CPZ: variants seen among roughly 807,000 people sequenced by gnomAD.
CPZ encodes the protein carboxypeptidase Z, also known as VEZT/CPZ fusion.
A neutral mutation model predicts 61.8 loss-of-function variants in CPZ; 103 were observed. The observed-to-expected ratio is 1.67, with a 90% CI of 1.42 to 1.96. The LOEUF (loss-of-function observed/expected upper bound fraction) is 1.96, where lower values mean the gene tolerates loss of function less well. CPZ is among the 30% of genes most tolerant of loss of function. CPZ has a pLI of 0.00. For missense variants in CPZ, 1,461 were observed against 914.9 expected (o/e 1.60, Z -7.70); for synonymous variants, 551 against 373.7 (o/e 1.47, Z -5.47).
chr4:8,605,928 T>C, intron 4 of CPZ, 61 bp from the exon 5 acceptor site: 1 of 1,543,588 alleles, frequency 6.5e-7, no homozygotes, highest in Non-Finnish European at 8.9e-7. Context: ...TGGGGGGGCC[T>C]CATGCCTTTG....
intron 9 of CPZ, 38 bp from the exon 10 acceptor site, chr4:8,618,391 C>G (rs1341661578): frequency 1.3e-6 from 2 of 1,594,200 alleles, no homozygotes; most frequent in South Asian, 2.2e-5. Context: ...AGCAGGAGAG[C>G]TCACGCCATC....
chr4:8,607,461 A>G lies in CPZ; in HGVS notation c.1227+36A>G, dbSNP rs537447225. The G allele has an allele frequency of 1.8e-4, 291 of 1,606,124 alleles. 4 individuals are homozygous for G. The South Asian group carries it at 2.7e-3, about 15-fold the overall frequency. ...TGTCGGGTGTGTGCAGGGGAGGGAG[A>G]CAGTGTGCGCGGTCCCCTTGGAGCT... On this transcript the variant is annotated intron_variant, in intron 7 of 10. Coordinates refer to ENST00000360986, the MANE Select transcript of CPZ (RefSeq NM_001014447.3).
intron 7 of CPZ, among the ~76,000 whole-genome samples, chr4:8,608,747 A>C (rs1200088428): frequency 2.0e-5 from 3 of 151,716 alleles, no homozygotes; most frequent in Non-Finnish European, 4.4e-5. Flanking sequence ...GGTTTCCCAA[A>C]AGGTCTCCAC....
At chr4:8,611,693 C>T (rs1577123746) in intron 7 of CPZ, among the ~76,000 whole-genome samples, 1 of 152,150 alleles carries the variant, frequency 6.6e-6, no homozygotes, top group African/African-American at 2.4e-5. Context: ...CCAACCTGCA[C>T]ACACCCTGTG....
At chr4:8,609,754 C>T (rs1715493571) in intron 7 of CPZ, among the ~76,000 whole-genome samples, 1 of 152,206 alleles carries the variant, frequency 6.6e-6, no homozygotes, top group Non-Finnish European at 1.5e-5. Flanking sequence ...CCCATCAGAG[C>T]CAGAGAAAAT....
intron 9 of CPZ, among the ~76,000 whole-genome samples, chr4:8,617,456 G>A (rs1300272117): frequency 6.6e-6 from 1 of 152,156 alleles, no homozygotes; most frequent in Non-Finnish European, 1.5e-5. Context: ...TTGCTTCTGT[G>A]GACTCCTCCC....
At position 8,619,456 on chromosome 4, in the gene CPZ, C is replaced by T; in HGVS notation, c.1798C>T (p.Pro600Ser). ...TATTCATGGGCTGCGGAGGACTGGG[C>T]CCCACGACCCACTGGGAGGTGCCAG... The part of the protein sequence containing the change: ...NFIHGLRRTG[P>S]HDPLGGASSL... Residue 600 changes from proline to serine, a missense_variant, in exon 11 of 11, where the codon CCC becomes TCC. Physicochemically the swap from Pro to Ser is moderately conservative, Grantham distance 74. Transcript: ENST00000360986. 2 of 1,612,394 alleles carry T rather than the reference C, an allele frequency of 1.2e-6. No homozygotes were observed. Among genetic ancestry groups the T allele is most frequent in the Non-Finnish European group, 1.7e-6 (2 of 1,178,952 alleles).
chr4:8,608,414 C>T (rs903291729), intron 7 of CPZ, among the ~76,000 whole-genome samples: 7 of 152,212 alleles, frequency 4.6e-5, no homozygotes, highest in East Asian at 1.9e-4. Flanking sequence ...AGTCACACAT[C>T]GTTTGTTCTC....
chr4:8,604,048 A>C lies in CPZ; in HGVS notation c.569A>C (p.Tyr190Ser). Residue 190 changes from tyrosine (Y) to serine (S), a missense_variant, in exon 4 of 11, where the codon TAC (tyrosine) becomes TCC (serine). Coordinates refer to ENST00000360986, the MANE Select transcript of CPZ (RefSeq NM_001014447.3). ...TTCATCCGCTTCAGCCACCACTCCTACGCCCAGATGGTGCGTGTGCTGAGG... is the reference window on the plus strand; with the variant it reads ...TTCATCCGCTTCAGCCACCACTCCTCCGCCCAGATGGTGCGTGTGCTGAGG... ...PTFIRFSHHS[Y>S]AQMVRVLRRT... 4 of 1,612,156 alleles carry C rather than the reference A, an allele frequency of 2.5e-6. No individual in the cohort carries two copies. The highest frequency in any genetic ancestry group is 1.3e-5 in the African/African-American group (1 of 75,072).
At chr4:8,611,807 A>T (rs964669152) in intron 7 of CPZ, among the ~76,000 whole-genome samples, 9 of 151,862 alleles carry the variant, frequency 5.9e-5, no homozygotes, top group Non-Finnish European at 1.0e-4. Context: ...CCTGGCCCCG[A>T]ACTCCAGCAG....
intron 5 of CPZ, among the ~76,000 whole-genome samples, 159 bp from the exon 6 acceptor site, chr4:8,606,578 G>T (rs1352562488): frequency 6.6e-6 from 1 of 152,138 alleles, no homozygotes; most frequent in Non-Finnish European, 1.5e-5. Flanking sequence ...CCGGGGTGGA[G>T]AGGAGGCCAA....
At chr4:8,603,938 G>A (rs1189028358) in intron 3 of CPZ, 38 bp from the exon 4 acceptor site, 2 of 1,584,636 alleles carry the variant, frequency 1.3e-6, no homozygotes, top group South Asian at 1.1e-5. Context: ...GAAGCCTGGG[G>A]GCCTGACACT....
rs552327040 is a variant in CPZ, at chr4:8,618,232, G to A, written c.1504-197G>A. The A allele has an allele frequency of 1.4e-4, 84 of 595,504 alleles. No homozygotes were observed. The African/African-American group carries it at 1.4e-3, about 10-fold the overall frequency. The allele number at this position is 595,504 out of a possible 1,614,324, so 36.9% of individuals were successfully genotyped here. A position where few individuals can be genotyped will look rare whatever the true frequency, so the allele number is the denominator to read the frequency against. The stretch of plus-strand genomic sequence containing the variant: ...CAGAACGTGCTCGGGTCAATTGCCA[G>A]GGAGGAAACTGAGGCCCAGAGAGGG... On this transcript the variant is annotated intron_variant, in intron 9 of 10. Coordinates refer to ENST00000360986, the MANE Select transcript of CPZ (RefSeq NM_001014447.3).
At chr4:8,610,239 G>A (rs959955669) in intron 7 of CPZ, among the ~76,000 whole-genome samples, 2 of 152,190 alleles carry the variant, frequency 1.3e-5, no homozygotes, top group Non-Finnish European at 2.9e-5. Flanking sequence ...TCTCTTCCTT[G>A]CCCATGTGCG....
chr4:8,609,936 C>A (rs375427547), intron 7 of CPZ, among the ~76,000 whole-genome samples: 1 of 152,176 alleles, frequency 6.6e-6, no homozygotes, highest in South Asian at 2.1e-4. Context: ...TGGTGCCCTA[C>A]GGACGAGAGC....
At chr4:8,614,318 C>G (rs772998363) in intron 8 of CPZ, 41 bp from the exon 9 acceptor site, 34 of 1,592,784 alleles carry the variant, frequency 2.1e-5, no homozygotes, top group Non-Finnish European at 2.9e-5. Flanking sequence ...TGTCTCTGTG[C>G]GGCTGACACC....
intron 1 of CPZ, among the ~76,000 whole-genome samples, chr4:8,596,152 A>G (rs12501400): frequency 1.3e-5 from 2 of 152,034 alleles, no homozygotes; most frequent in Admixed American, 1.3e-4. Context: ...CCCAGGTTCA[A>G]GTGATTCTCC....
chr4:8,614,319 G>T (rs780084297), intron 8 of CPZ, 40 bp from the exon 9 acceptor site: 2 of 1,588,674 alleles, frequency 1.3e-6, no homozygotes, highest in South Asian at 2.3e-5. Flanking sequence ...GTCTCTGTGC[G>T]GCTGACACCC....
chr4:8,604,154 C>A lies in CPZ; in HGVS notation c.675C>A (p.Ile225=), dbSNP rs140673461. The A allele has an allele frequency of 1.3e-6, 2 of 1,580,868 alleles. No homozygotes were observed. The highest frequency in any genetic ancestry group is 1.7e-6 in the Non-Finnish European group (2 of 1,162,846). Residue 225 remains isoleucine, a synonymous_variant, in exon 4 of 11, where the codon ATC becomes ATA. Transcript: ENST00000360986. ...RSFDGRELLV[I]EFSSRPGQHE... ...TCGACGGCAGGGAGCTGCTGGTCATCGAGTTCTCCAGCCGCCCCGGCCAGC... is the reference window on the plus strand; with the variant it reads ...TCGACGGCAGGGAGCTGCTGGTCATAGAGTTCTCCAGCCGCCCCGGCCAGC...
Sources: allele counts gnomAD v4.1 joint callset (sites outside exome capture counted in the v4.1 genomes callset), GRCh38; gene constraint gnomAD v4.1.1; transcripts MANE v1.5; gene names NCBI Gene and HGNC (gene_info 2026-07-23, HGNC 2026-07-21).